The following PTPRT variants were observed in gnomAD, a reference collection of about 807,000 sequenced individuals.
PTPRT encodes the protein protein tyrosine phosphatase receptor type T, also known as receptor-type tyrosine-protein phosphatase T.
A neutral mutation model predicts 176.8 loss-of-function variants in PTPRT; 56 were observed. The ratio of observed to expected loss-of-function variants is 0.32; its 90% CI spans 0.26 to 0.40. The LOEUF is 0.40. PTPRT is among the 10% of genes least tolerant of loss of function. The pLI, the probability that PTPRT is intolerant of heterozygous loss-of-function variation, is 1.00. For missense variants in PTPRT, 1,540 were observed against 1,908.2 expected (o/e 0.81, Z 3.60); for synonymous variants, 783 against 739.0 (o/e 1.06, Z -0.96).
At chr20:42,598,063 G>T (rs2073706166) in intron 7 of PTPRT, among the ~76,000 whole-genome samples, 1 of 151,846 alleles carries the variant, frequency 6.6e-6, no homozygotes, top group African/African-American at 2.4e-5. Context: ...TACTATAGTA[G>T]CAACCCCAAT....
the PTPRT span, among the ~76,000 whole-genome samples, chr20:42,038,839 A>G: frequency 6.6e-6 from 1 of 152,194 alleles, no homozygotes; most frequent in Non-Finnish European, 1.5e-5. Context: ...CTTGTGCTGC[A>G]TCAGCAGAGA....
chr20:43,151,344 C>T (rs1374366503), intron 1 of PTPRT, among the ~76,000 whole-genome samples: 3 of 130,642 alleles, frequency 2.3e-5, no homozygotes, highest in South Asian at 4.8e-4. Flanking sequence ...AAGGCATGGA[C>T]TCCATGGCAT....
At chr20:42,874,782 G>A (rs568752514) in intron 2 of PTPRT, among the ~76,000 whole-genome samples, 6 of 152,278 alleles carry the variant, frequency 3.9e-5, no homozygotes, top group African/African-American at 1.4e-4. Context: ...AACATGTAAA[G>A]CCCTTAGAAC....
intron 19 of PTPRT, among the ~76,000 whole-genome samples, chr20:42,123,935 T>C (rs957271413): frequency 3.3e-5 from 5 of 152,332 alleles, no homozygotes; most frequent in Non-Finnish European, 5.9e-5. Context: ...GGGAGCTCCA[T>C]GAAGCCAGGG....
chr20:43,127,605 A>G (rs893314647), intron 1 of PTPRT, among the ~76,000 whole-genome samples: 1 of 152,094 alleles, frequency 6.6e-6, no homozygotes, highest in African/African-American at 2.4e-5. Context: ...AGGAGATGCA[A>G]CAGAAAGCCC....
At chr20:43,083,296 C>A (rs991541191) in intron 1 of PTPRT, among the ~76,000 whole-genome samples, 2 of 108,016 alleles carry the variant, frequency 1.9e-5, no homozygotes, top group South Asian at 3.1e-4. Context: ...AATTTATATA[C>A]CATAAGATTC....
chr20:42,474,826 G>T (rs1337125520), intron 7 of PTPRT, among the ~76,000 whole-genome samples: 3 of 152,118 alleles, frequency 2.0e-5, no homozygotes, highest in Non-Finnish European at 4.4e-5. Context: ...TTGTCCAGGT[G>T]CCAGAACTCT....
intron 7 of PTPRT, among the ~76,000 whole-genome samples, chr20:42,580,744 C>A (rs1403597294): frequency 6.6e-6 from 1 of 152,160 alleles, no homozygotes; most frequent in Admixed American, 6.5e-5. Flanking sequence ...GGATTTTTGC[C>A]CATTGATTTT....
intron 2 of PTPRT, among the ~76,000 whole-genome samples, chr20:42,875,132 C>A (rs2078909480): frequency 6.6e-6 from 1 of 152,200 alleles, no homozygotes; most frequent in Admixed American, 6.5e-5. Flanking sequence ...TATGATGTCA[C>A]AGAAAACTGA....
chr20:42,675,239 T>C (rs984994131), intron 7 of PTPRT, among the ~76,000 whole-genome samples: 2 of 152,318 alleles, frequency 1.3e-5, no homozygotes, highest in African/African-American at 2.4e-5. Flanking sequence ...CAAGGTAACA[T>C]ACCATCTGTG....
chr20:42,599,413 T>C (rs1321701162), intron 7 of PTPRT, among the ~76,000 whole-genome samples: 4 of 152,178 alleles, frequency 2.6e-5, no homozygotes, highest in South Asian at 4.1e-4. Flanking sequence ...GCATGTCTTC[T>C]GAGTAAAATT....
rs76607043 is a variant in PTPRT at position 42,851,760 on chromosome 20, A to G, written c.214+34047T>C. The stretch of plus-strand genomic sequence containing the variant: ...AACAGCAGCCGCAAGCAATACGTAA[A>G]TGAATGGGTGTGGCTATGTTTCAAT... On this transcript the variant is annotated intron_variant, in intron 2 of 30. Transcript: ENST00000373187. Among the ~76,000 whole-genome samples the G allele has an allele frequency of 1.7e-3, 257 of 152,328 alleles. 2 individuals are homozygous for G. In the East Asian group the frequency reaches 0.033, roughly 20 times the overall value.
intron 11 of PTPRT, among the ~76,000 whole-genome samples, chr20:42,345,366 T>TATACAC (rs1266558127): frequency 8.9e-5 from 12 of 134,088 alleles, no homozygotes; most frequent in African/African-American, 3.1e-4. Context: ...AAGGCATATA[T>TATACAC]ACACACACAC....
At chr20:43,044,970 A>G (rs529468556) in intron 1 of PTPRT, among the ~76,000 whole-genome samples, 1 of 152,228 alleles carries the variant, frequency 6.6e-6, no homozygotes, top group Non-Finnish European at 1.5e-5. Context: ...GCATATGACT[A>G]CTTAAGATGG....
At chr20:43,005,683 C>T (rs1984816737) in intron 1 of PTPRT, among the ~76,000 whole-genome samples, 2 of 152,194 alleles carry the variant, frequency 1.3e-5, no homozygotes, top group African/African-American at 4.8e-5. Flanking sequence ...CACCGAATCC[C>T]CAGCAGTCTA....
At chr20:42,495,088 T>C (rs2071629765) in intron 7 of PTPRT, among the ~76,000 whole-genome samples, 1 of 152,138 alleles carries the variant, frequency 6.6e-6, no homozygotes, top group African/African-American at 2.4e-5. Context: ...GGCCTCTGAG[T>C]GTTAGACTCA....
intron 6 of PTPRT, 90 bp downstream of exon 6, chr20:42,756,372 G>C: frequency 7.8e-7 from 1 of 1,277,064 alleles, no homozygotes; most frequent in Non-Finnish European, 1.0e-6. Flanking sequence ...TACTGAATGT[G>C]GGGGAGGATC....
intron 17 of PTPRT, among the ~76,000 whole-genome samples, chr20:42,152,665 A>G (rs1389014032): frequency 1.3e-5 from 2 of 152,088 alleles, no homozygotes; most frequent in East Asian, 3.9e-4. Context: ...AATCTTGGGG[A>G]TCCCCATAAT....
At chr20:42,979,991 G>C (rs545206831) in intron 1 of PTPRT, among the ~76,000 whole-genome samples, 12 of 68,532 alleles carry the variant, frequency 1.8e-4, no homozygotes, top group African/African-American at 6.0e-4. Flanking sequence ...AAGGGGGGGT[G>C]GGGGGGGGTC....
Sources: gnomAD v4.1 joint callset for allele counts (sites outside exome capture counted in the v4.1 genomes callset) on GRCh38, gnomAD v4.1.1 for gene constraint, MANE v1.5 for transcripts, NCBI Gene and HGNC (gene_info 2026-07-23, HGNC 2026-07-21) for gene names.